The following SUGCT variants were observed in gnomAD, a reference collection of about 807,000 sequenced individuals.
SUGCT encodes the protein succinyl-CoA:glutarate-CoA transferase, also known as succinyl-CoA:glutarate CoA-transferase.
In SUGCT, 41 loss-of-function variants were observed where a neutral mutation model predicts 55.0. The observed-to-expected ratio is 0.74, with a 90% CI of 0.58 to 0.97. SUGCT has a LOEUF of 0.97. Ranked by LOEUF, SUGCT falls within the 50% of genes least tolerant of loss-of-function variation. The probability of loss-of-function intolerance (pLI) is 0.00; values close to 1 mark genes in which losing one functional copy is unlikely to be tolerated. For synonymous variants in SUGCT, 187 were observed against 200.4 expected (o/e 0.93, Z 0.56); for missense variants, 568 against 547.8 (o/e 1.04, Z -0.37).
the SUGCT span, among the ~76,000 whole-genome samples, chr7:40,972,734 G>T: frequency 6.6e-6 from 1 of 152,148 alleles, no homozygotes; most frequent in East Asian, 1.9e-4. Flanking sequence ...AAGGTGTGTT[G>T]TAACACAAGA....
chr7:40,582,065 G>T (rs571817165), intron 12 of SUGCT, among the ~76,000 whole-genome samples: 50 of 152,178 alleles, frequency 3.3e-4, no homozygotes, highest in African/African-American at 9.6e-4. Context: ...ATCTCACCCA[G>T]AACTTACTGT....
At chr7:40,485,659 C>T (rs1211864158) in intron 11 of SUGCT, among the ~76,000 whole-genome samples, 1 of 151,956 alleles carries the variant, frequency 6.6e-6, no homozygotes, top group Non-Finnish European at 1.5e-5. Flanking sequence ...TCAAGGGATC[C>T]TCTTGCCTTG....
intron 1 of SUGCT, among the ~76,000 whole-genome samples, chr7:40,168,908 T>C (rs1784544418): frequency 6.6e-6 from 1 of 152,134 alleles, no homozygotes; most frequent in African/African-American, 2.4e-5. Flanking sequence ...TCTTTTGGCT[T>C]CGGTATCTGC....
chr7:40,976,895 G>A, the SUGCT span, among the ~76,000 whole-genome samples: 1 of 152,134 alleles, frequency 6.6e-6, no homozygotes, highest in Non-Finnish European at 1.5e-5. Flanking sequence ...ATGAGGTAAT[G>A]GTCCCACATG....
intron 13 of SUGCT, among the ~76,000 whole-genome samples, chr7:40,779,578 A>C (rs923487944): frequency 1.3e-5 from 2 of 152,214 alleles, no homozygotes; most frequent in African/African-American, 4.8e-5. Context: ...GTCGAAGCCC[A>C]TCACTGGGGG....
chr7:40,665,570 A>G (rs1205891230), intron 12 of SUGCT, among the ~76,000 whole-genome samples: 1 of 152,156 alleles, frequency 6.6e-6, no homozygotes, highest in African/African-American at 2.4e-5. Context: ...GGCAGTTTTC[A>G]AGGGTGGTGA....
At chr7:40,597,221 T>C (rs1008693424) in intron 12 of SUGCT, among the ~76,000 whole-genome samples, 1 of 152,216 alleles carries the variant, frequency 6.6e-6, no homozygotes, top group Non-Finnish European at 1.5e-5. Flanking sequence ...ATAGGTAGGT[T>C]AATTTTTCCC....
intron 11 of SUGCT, among the ~76,000 whole-genome samples, chr7:40,470,676 A>G (rs898781227): frequency 6.6e-6 from 1 of 151,570 alleles, no homozygotes; most frequent in African/African-American, 2.4e-5. Flanking sequence ...ATAATTGCTT[A>G]TTCTCCTTTT....
At position 40,822,799 on chromosome 7, in the gene SUGCT, G is replaced by A. The variant is rs565307917; in HGVS notation, c.1154-37517G>A. ...GGAGAAATCCTGAAAGAGATATGGG[G>A]AAGGAATAAATTGAAAATGAGAGTG... On this transcript the variant is annotated intron_variant, in intron 13 of 13. Coordinates refer to ENST00000335693, the MANE Select transcript of SUGCT (RefSeq NM_001193313.2). 2.6e-5 allele frequency among the ~76,000 whole-genome samples: 4 copies of A among 152,252 alleles called. No individual in the cohort carries two copies. In the South Asian group the frequency reaches 8.3e-4, roughly 32 times the overall value.
chr7:40,400,154 G>T (rs1785984518), intron 9 of SUGCT, among the ~76,000 whole-genome samples: 2 of 151,788 alleles, frequency 1.3e-5, no homozygotes, highest in Admixed American at 1.3e-4. Context: ...TCATAAATTG[G>T]GTTGAATTTT....
chr7:40,954,296 T>A, the SUGCT span, among the ~76,000 whole-genome samples: 222 of 152,296 alleles, frequency 1.5e-3, 3 homozygotes, highest in African/African-American at 5.1e-3. Flanking sequence ...TGAAGACCAT[T>A]GGAAAAGCAC....
intron 12 of SUGCT, among the ~76,000 whole-genome samples, chr7:40,599,112 G>T (rs1227161250): frequency 6.6e-6 from 1 of 152,106 alleles, no homozygotes; most frequent in African/African-American, 2.4e-5. Context: ...CGGGAAGCAG[G>T]TCTGTTTTGT....
intron 9 of SUGCT, among the ~76,000 whole-genome samples, chr7:40,364,058 C>T (rs1376551629): frequency 6.7e-6 from 1 of 150,214 alleles, no homozygotes; most frequent in Non-Finnish European, 1.5e-5. Context: ...GATCCCTTTA[C>T]CATTATGTAA....
chr7:40,174,101 C>T (rs1216159164), intron 1 of SUGCT, among the ~76,000 whole-genome samples: 1 of 152,064 alleles, frequency 6.6e-6, no homozygotes, highest in African/African-American at 2.4e-5. Flanking sequence ...TGGCTCACTG[C>T]AACCTCTGCT....
intron 11 of SUGCT, among the ~76,000 whole-genome samples, chr7:40,464,363 G>C (rs1789984394): frequency 6.6e-6 from 1 of 152,146 alleles, no homozygotes; most frequent in African/African-American, 2.4e-5. Context: ...ACAGTGGATT[G>C]GGGAGCCCAG....
the SUGCT span, among the ~76,000 whole-genome samples, chr7:40,876,654 G>T: frequency 6.6e-6 from 1 of 152,182 alleles, no homozygotes; most frequent in African/African-American, 2.4e-5. Context: ...AGGAAGGAAA[G>T]CTTCACCACC....
intron 12 of SUGCT, among the ~76,000 whole-genome samples, chr7:40,666,243 G>A (rs938718991): frequency 5.3e-5 from 8 of 151,762 alleles, no homozygotes; most frequent in Non-Finnish European, 1.0e-4. Context: ...CCAGCTACTC[G>A]GGAGGCTGAG....
chr7:40,547,502 C>G (rs1795056035), intron 12 of SUGCT, among the ~76,000 whole-genome samples: 1 of 151,982 alleles, frequency 6.6e-6, no homozygotes, highest in Non-Finnish European at 1.5e-5. Context: ...TGGACTTAAT[C>G]TTATTATATC....
At chr7:40,449,989 C>T (rs1466509290) in intron 10 of SUGCT, among the ~76,000 whole-genome samples, 3 of 152,106 alleles carry the variant, frequency 2.0e-5, no homozygotes, top group East Asian at 1.9e-4. Flanking sequence ...TACTAAACTT[C>T]GCCATCTTGG....
Sources: allele counts gnomAD v4.1 joint callset (sites outside exome capture counted in the v4.1 genomes callset), GRCh38; gene constraint gnomAD v4.1.1; transcripts MANE v1.5; gene names NCBI Gene and HGNC (gene_info 2026-07-23, HGNC 2026-07-21).